The following PARD3 variants were observed in gnomAD, a reference collection of about 807,000 sequenced individuals.
PARD3 encodes partitioning defective 3 homolog.
PARD3 carries 75 observed loss-of-function variants against 155.4 expected under a neutral mutation model. That is an observed-to-expected ratio of 0.48 (90% CI 0.40 to 0.58). The LOEUF (loss-of-function observed/expected upper bound fraction) is 0.58, where lower values mean the gene tolerates loss of function less well. Ranked by LOEUF, PARD3 falls within the 20% of genes least tolerant of loss-of-function variation. PARD3 has a pLI of 0.00. For missense variants in PARD3, 1,642 were observed against 1,721.7 expected, an observed-to-expected ratio of 0.95 and a Z score of 0.82; for synonymous variants, 576 against 610.5, an observed-to-expected ratio of 0.94 and a Z score of 0.83.
chr10:34,769,506 G>A (rs1039213392), intron 1 of PARD3, among the ~76,000 whole-genome samples: 3 of 151,416 alleles, frequency 2.0e-5, no homozygotes, highest in South Asian at 2.1e-4. Context: ...CATACCTCCC[G>A]GCACTTTGGG....
chr10:34,474,040 C>T (rs2078536223), intron 3 of PARD3, among the ~76,000 whole-genome samples: 1 of 152,168 alleles, frequency 6.6e-6, no homozygotes, highest in African/African-American at 2.4e-5. Context: ...ACATGTCCTG[C>T]ATCAGTCCCA....
chr10:34,634,820 C>G (rs1429155042), intron 2 of PARD3, among the ~76,000 whole-genome samples: 1 of 152,160 alleles, frequency 6.6e-6, no homozygotes, highest in East Asian at 1.9e-4. Flanking sequence ...TGGGTGATTT[C>G]TAGTTAAGAT....
intron 2 of PARD3, among the ~76,000 whole-genome samples, chr10:34,657,671 T>C (rs1171497779): frequency 6.6e-6 from 1 of 152,154 alleles, no homozygotes; most frequent in Non-Finnish European, 1.5e-5. Context: ...CCCGAGTAGC[T>C]GGGATTACAG....
chr10:34,390,925 AT>A (rs1334068386), intron 7 of PARD3, among the ~76,000 whole-genome samples: 5 of 152,246 alleles, frequency 3.3e-5, no homozygotes, highest in Non-Finnish European at 4.4e-5. Flanking sequence ...CAAAAAGAAA[AT>A]TTAAAAATAT....
intron 24 of PARD3, among the ~76,000 whole-genome samples, chr10:34,115,252 G>A (rs1318750986): frequency 6.6e-6 from 1 of 152,114 alleles, no homozygotes; most frequent in Non-Finnish European, 1.5e-5. Flanking sequence ...AGGCTTTCGA[G>A]GAAGTCAGAC....
At chr10:34,695,347 C>T (rs2477008) in intron 2 of PARD3, among the ~76,000 whole-genome samples, 132 of 152,084 alleles carry the variant, frequency 8.7e-4, no homozygotes, top group African/African-American at 2.8e-3. Context: ...TGGTGGTGCA[C>T]GCCTATAATC....
chr10:34,299,657 A>G (rs921735950), intron 20 of PARD3, among the ~76,000 whole-genome samples: 1 of 152,258 alleles, frequency 6.6e-6, no homozygotes, highest in Non-Finnish European at 1.5e-5. Context: ...CTTTGAGAAT[A>G]AAAGATAATA....
chr10:34,633,980 C>T (rs566455787), intron 2 of PARD3, among the ~76,000 whole-genome samples: 1 of 152,304 alleles, frequency 6.6e-6, no homozygotes, highest in Non-Finnish European at 1.5e-5. Flanking sequence ...CTATTCCATA[C>T]TCAACTACAT....
chr10:34,504,540 A>G (rs958510461), intron 3 of PARD3, among the ~76,000 whole-genome samples: 3 of 152,246 alleles, frequency 2.0e-5, no homozygotes, highest in African/African-American at 7.2e-5. Context: ...GAGTAAACAC[A>G]AAATAACACC....
chr10:34,335,375 TGCTAAGTAGTGTAACTAC>T (rs1836063722), intron 18 of PARD3, among the ~76,000 whole-genome samples: 3 of 151,984 alleles, frequency 2.0e-5, no homozygotes, highest in African/African-American at 7.2e-5. Flanking sequence ...AGCTAATTAG[TGCTAAGTAGTGTAACTAC>T]ATCATACTGG....
chr10:34,359,038 A>G (rs1839184879), intron 14 of PARD3, 109 bp downstream of exon 14: 1 of 701,724 alleles, frequency 1.4e-6, no homozygotes, highest in African/African-American at 1.8e-5. Context: ...AAGATAATTT[A>G]TGGTCTTTTG....
chr10:34,768,254 A>G (rs919753596), intron 1 of PARD3, among the ~76,000 whole-genome samples: 3 of 152,112 alleles, frequency 2.0e-5, no homozygotes, highest in African/African-American at 7.2e-5. Flanking sequence ...CAAGTGCCCA[A>G]GGTGGTCAGA....
intron 9 of PARD3, among the ~76,000 whole-genome samples, chr10:34,378,622 C>T (rs570642227): frequency 6.6e-6 from 1 of 152,254 alleles, no homozygotes; most frequent in South Asian, 2.1e-4. Flanking sequence ...CATAATTATT[C>T]AAAGCAGTTT....
intron 1 of PARD3, among the ~76,000 whole-genome samples, chr10:34,699,144 C>A (rs866105391): frequency 5.9e-5 from 9 of 152,112 alleles, no homozygotes; most frequent in African/African-American, 2.2e-4. Flanking sequence ...CTCCTGCCTC[C>A]GGAGGGGTCC....
At chr10:34,382,380 G>A (rs1203630382) in intron 9 of PARD3, among the ~76,000 whole-genome samples, 160 bp downstream of exon 9, 1 of 152,134 alleles carries the variant, frequency 6.6e-6, no homozygotes, top group African/African-American at 2.4e-5. Flanking sequence ...TAAAAGGTAA[G>A]TAACTTTAAA....
intron 2 of PARD3, among the ~76,000 whole-genome samples, chr10:34,619,377 A>G (rs2091474553): frequency 6.6e-6 from 1 of 152,054 alleles, no homozygotes; most frequent in African/African-American, 2.4e-5. Flanking sequence ...TTTACGGTGT[A>G]GCTCAACTCC....
chr10:34,489,987 G>A (rs555179036), intron 3 of PARD3, among the ~76,000 whole-genome samples: 7 of 152,210 alleles, frequency 4.6e-5, no homozygotes, highest in Non-Finnish European at 1.0e-4. Context: ...AGCCTCAGTC[G>A]TCAAGCCACA....
At chr10:34,254,888 T>C (rs925226240) in intron 22 of PARD3, among the ~76,000 whole-genome samples, 4 of 152,144 alleles carry the variant, frequency 2.6e-5, no homozygotes, top group African/African-American at 9.7e-5. Flanking sequence ...CAGACAGATG[T>C]GTACAAGAAC....
chr10:34,336,496 T>C (rs1020963803), intron 17 of PARD3, among the ~76,000 whole-genome samples: 4 of 152,188 alleles, frequency 2.6e-5, no homozygotes, highest in Non-Finnish European at 4.4e-5. Context: ...GCCAAGGCAA[T>C]GCATCACCAA....
Sources: allele counts gnomAD v4.1 joint callset (sites outside exome capture counted in the v4.1 genomes callset), GRCh38; gene constraint gnomAD v4.1.1; transcripts MANE v1.5; gene names NCBI Gene and HGNC (gene_info 2026-07-23, HGNC 2026-07-21).